Variants in NF1 observed in about 807,000 individuals in gnomAD.
The protein encoded by NF1 is neurofibromin 1.
NF1 carries 122 observed loss-of-function variants against 325.7 expected under a neutral mutation model. The ratio of observed to expected loss-of-function variants is 0.37; its 90% CI spans 0.32 to 0.44. The LOEUF is 0.44. NF1 is among the 20% of genes least tolerant of loss of function. NF1 has a pLI of 1.00. For synonymous variants in NF1, 1,091 were observed against 1,186.0 expected, an observed-to-expected ratio of 0.92 and a Z score of 1.65; for missense variants, 2,140 against 3,415.4, an observed-to-expected ratio of 0.63 and a Z score of 9.31.
At chr17:31,373,616 AAT>A (rs2151600644) in intron 57 of NF1, among the ~76,000 whole-genome samples, 1 of 152,362 alleles carries the variant, frequency 6.6e-6, no homozygotes, top group East Asian at 1.9e-4. Context: ...TCTTATCACA[AAT>A]ATAGTCATGT....
Position 31,227,544 on chromosome 17 carries a change from A to C in NF1, c.2347A>C (p.Lys783Gln). 1 of 1,613,912 alleles carries C rather than the reference A, an allele frequency of 6.2e-7. No homozygotes were observed. ...TTAGGCTTGGGAAGATACACATGCAAAATGGGAACAAGCAACAAAGCTAAT... is the reference window on the plus strand; with the variant it reads ...TTAGGCTTGGGAAGATACACATGCACAATGGGAACAAGCAACAAAGCTAAT... ...NTEAWEDTHA[K>Q]WEQATKLILN... The change falls in exon 20 of 58, where the codon AAA becomes CAA. Residue 783 changes from lysine to glutamine, a missense_variant. Physicochemically the swap from Lys to Gln is moderately conservative, Grantham distance 53 (BLOSUM62 1). Coordinates refer to ENST00000358273, the MANE Select transcript of NF1 (RefSeq NM_001042492.3).
intron 8 of NF1, among the ~76,000 whole-genome samples, chr17:31,192,530 C>T (rs2066364108): frequency 6.6e-6 from 1 of 152,080 alleles, no homozygotes; most frequent in Admixed American, 6.6e-5. Context: ...TTTTGTTGTG[C>T]AGAGGAATCT....
intron 36 of NF1, among the ~76,000 whole-genome samples, chr17:31,287,368 A>G (rs371443124): frequency 1.3e-5 from 2 of 152,236 alleles, no homozygotes; most frequent in Non-Finnish European, 1.5e-5. Context: ...GACACATTTA[A>G]TCACTTGCCC....
At chr17:31,298,432 G>T (rs2068509357) in intron 36 of NF1, among the ~76,000 whole-genome samples, 1 of 152,030 alleles carries the variant, frequency 6.6e-6, no homozygotes, top group Non-Finnish European at 1.5e-5. Context: ...TTTATGCCTT[G>T]TTACTAAATC....
chr17:31,345,383 C>T (rs772478745), intron 48 of NF1: 3 of 1,242,376 alleles, frequency 2.4e-6, no homozygotes, highest in Non-Finnish European at 3.3e-6. Context: ...CTCCTTCCCC[C>T]TGTAGGGGCG....
At chr17:31,317,573 A>G (rs1053623745) in intron 36 of NF1, 5 of 152,306 alleles carry the variant, frequency 3.3e-5, no homozygotes, top group African/African-American at 1.2e-4. Flanking sequence ...TGGTGTGGCT[A>G]TAAATCTTAT....
chr17:31,358,205 T>C (rs1245278884), intron 54 of NF1: 23 of 483,116 alleles, frequency 4.8e-5, no homozygotes, highest in Middle Eastern at 5.9e-4. Flanking sequence ...ACATTTACCG[T>C]ATATGGTTAC....
At chr17:31,310,897 G>A (rs1183381597) in intron 36 of NF1, among the ~76,000 whole-genome samples, 1 of 149,964 alleles carries the variant, frequency 6.7e-6, no homozygotes, top group Non-Finnish European at 1.5e-5. Context: ...ACATTTTAAA[G>A]ACAGTTACAG....
intron 16 of NF1, 87 bp from the exon 17 acceptor site, chr17:31,225,008 T>C (rs1307769880): frequency 1.4e-6 from 2 of 1,450,342 alleles, no homozygotes; most frequent in Non-Finnish European, 1.9e-6. Flanking sequence ...TTTAGGAGAG[T>C]CTCAAACAGG....
chr17:31,220,829 C>G (rs1234039696), intron 14 of NF1, among the ~76,000 whole-genome samples: 1 of 152,086 alleles, frequency 6.6e-6, no homozygotes, highest in East Asian at 1.9e-4. Flanking sequence ...CTTAAAAAAA[C>G]TAGTGCCAGT....
intron 47 of NF1, among the ~76,000 whole-genome samples, chr17:31,341,047 A>G (rs963030528): frequency 1.3e-5 from 2 of 152,148 alleles, no homozygotes; most frequent in African/African-American, 4.8e-5. Flanking sequence ...AAAGGTTAGC[A>G]TTCTCTGCCC....
At chr17:31,299,863 T>A (rs999611505) in intron 36 of NF1, among the ~76,000 whole-genome samples, 6 of 120,648 alleles carry the variant, frequency 5.0e-5, no homozygotes, top group Admixed American at 8.3e-5. Context: ...AAAATGTCTC[T>A]CATCTTGGAG....
chr17:31,334,539 T>G (rs1348717638), intron 39 of NF1: 2 of 361,106 alleles, frequency 5.5e-6, no homozygotes, highest in East Asian at 1.2e-4. Flanking sequence ...CTTTCTATGA[T>G]TACCACATTT....
Position 31,235,694 on chromosome 17 carries a change from A to G in NF1, c.3792A>G (p.Glu1264=). ...TGCTCTGGAACATGTTTTCTAAAGA[A>G]GTAGAATTGGCAGACTCCATGCAGA... The part of the protein sequence containing the change: ...YQLLWNMFSK[E]VELADSMQTL... The change falls in exon 28 of 58, where the codon GAA becomes GAG. Residue 1264 remains glutamate, a synonymous_variant. Transcript: ENST00000358273. 1 of 1,614,162 alleles carries G rather than the reference A, an allele frequency of 6.2e-7. No homozygotes were observed. The highest frequency in any genetic ancestry group is 8.5e-7 in the Non-Finnish European group (1 of 1,180,006).
At chr17:31,203,314 AG>A (rs1298489055) in intron 11 of NF1, among the ~76,000 whole-genome samples, 1 of 152,260 alleles carries the variant, frequency 6.6e-6, no homozygotes, top group Non-Finnish European at 1.5e-5. Flanking sequence ...GTTTTTATAA[AG>A]AAAAAAACTA....
At chr17:31,175,081 C>G (rs1490615290) in intron 5 of NF1, among the ~76,000 whole-genome samples, 1 of 117,860 alleles carries the variant, frequency 8.5e-6, no homozygotes, top group African/African-American at 3.1e-5. Context: ...GCACTCCAGC[C>G]TGAGCGACAG....
intron 3 of NF1, among the ~76,000 whole-genome samples, 193 bp from the exon 4 acceptor site, chr17:31,162,993 C>A (rs1432853511): frequency 1.3e-5 from 2 of 152,020 alleles, no homozygotes; most frequent in Non-Finnish European, 2.9e-5. Context: ...AGAGATGGAA[C>A]CATCCTCTTT....
intron 54 of NF1, chr17:31,357,595 G>A: frequency 1.7e-6 from 1 of 572,538 alleles, no homozygotes; most frequent in Non-Finnish European, 3.1e-6. Context: ...ATTTATTTAA[G>A]TGGTTTATTT....
chr17:31,366,399 A>G (rs1007283223), intron 57 of NF1, among the ~76,000 whole-genome samples: 1 of 152,204 alleles, frequency 6.6e-6, no homozygotes, highest in Non-Finnish European at 1.5e-5. Flanking sequence ...GTCCAAGCCT[A>G]CCAGTCATTC....
Sources: gnomAD v4.1 joint callset for allele counts (sites outside exome capture counted in the v4.1 genomes callset) on GRCh38, gnomAD v4.1.1 for gene constraint, MANE v1.5 for transcripts, NCBI Gene and HGNC (gene_info 2026-07-23, HGNC 2026-07-21) for gene names.